Variants in DHX37 observed in about 807,000 individuals in gnomAD.
The protein encoded by DHX37 is DEAH-box helicase 37.
In DHX37, 52 loss-of-function variants were observed where a neutral mutation model predicts 134.3. The observed-to-expected ratio is 0.39, with a 90% CI of 0.31 to 0.49. DHX37 has a LOEUF of 0.49. Among genes scored for constraint, DHX37 ranks in the 20% least tolerant of loss-of-function variants. The pLI is 0.93. For missense variants in DHX37, 1,344 were observed against 1,580.8 expected (o/e 0.85, Z 2.54); for synonymous variants, 634 against 670.7 (o/e 0.95, Z 0.85).
At chr12:124,961,104 A>G (rs1376075810) in intron 15 of DHX37, among the ~76,000 whole-genome samples, 6 of 152,282 alleles carry the variant, frequency 3.9e-5, no homozygotes. Context: ...TAGCCCTGAC[A>G]AAAGGAACAG....
chr12:124,975,097 T>C (rs867723919), intron 6 of DHX37, among the ~76,000 whole-genome samples: 2 of 152,200 alleles, frequency 1.3e-5, no homozygotes, highest in South Asian at 2.1e-4. Context: ...CTTTAGAACC[T>C]TGAGTTTTAG....
Position 124,957,123 on chromosome 12 carries a change from G to A in DHX37, c.2170C>T (p.Pro724Ser). The change falls in exon 17 of 27, where the codon CCC becomes TCC. Residue 724 changes from proline (P) to serine (S), a missense_variant. Transcript: ENST00000308736. ...ALNVEKVINFPFPTPPSVEAL... is the reference protein window; with the variant it reads ...ALNVEKVINFSFPTPPSVEAL... ...TCCACGGAGGGGGGCGTCGGGAAGG[G>A]GAAGTTGATGACCTGGGACACAAGG... 6.7e-7 allele frequency: 1 copy of A among 1,497,704 alleles called. No homozygotes were observed. The allele number at this position is 1,497,704 out of a possible 1,614,324, so 92.8% of individuals were successfully genotyped here. A position where few individuals can be genotyped will look rare whatever the true frequency, so the allele number is the denominator to read the frequency against.
At chr12:124,948,051 C>A in intron 26 of DHX37, 33 bp downstream of exon 26, 2 of 1,614,234 alleles carry the variant, frequency 1.2e-6, no homozygotes, top group South Asian at 2.2e-5. Flanking sequence ...CCCATCCTGT[C>A]TACTCCCACC....
In DHX37 at chr12:124,977,379, G is replaced by A; in HGVS notation, c.850C>T (p.Gln284Ter). The A allele has an allele frequency of 6.3e-7, 1 of 1,598,248 alleles. No individual in the cohort carries two copies. Among genetic ancestry groups the A allele is most frequent in the Non-Finnish European group, 8.5e-7 (1 of 1,173,308 alleles). ...CGETGSGKTT[Q>*]VPQFLYEAGF... Reference sequence around the variant, plus strand: ...GCTTCATAGAGAAACTGAGGCACCTGTGTGGTCTTCCCGCTGCCGGTCTCA... The same window carrying A: ...GCTTCATAGAGAAACTGAGGCACCTATGTGGTCTTCCCGCTGCCGGTCTCA... The change falls in exon 5 of 27, where the codon CAG becomes TAG. Residue 284 changes from glutamine to a stop codon, truncating the protein, a stop_gained. Transcript: ENST00000308736. LOFTEE classifies it high-confidence loss of function.
At chr12:124,975,362 T>C in intron 6 of DHX37, 57 bp downstream of exon 6, 4 of 1,577,504 alleles carry the variant, frequency 2.5e-6, no homozygotes, top group South Asian at 2.2e-5. Flanking sequence ...GCTTCCCACA[T>C]CTGGGCAAGG....
At chr12:124,972,431 C>A in intron 7 of DHX37, 72 bp downstream of exon 7, 1 of 1,529,084 alleles carries the variant, frequency 6.5e-7, no homozygotes, top group Non-Finnish European at 9.0e-7. Context: ...CTGCTCATAT[C>A]CCAGGTGACA....
intron 5 of DHX37, among the ~76,000 whole-genome samples, chr12:124,975,871 A>G (rs2135960673): frequency 6.6e-6 from 1 of 152,154 alleles, no homozygotes; most frequent in East Asian, 1.9e-4. Flanking sequence ...TTAACACCAC[A>G]GACCTGCAGC....
At position 124,982,367 on chromosome 12, in the gene DHX37, G is replaced by C. The variant is rs1053460174; in HGVS notation, c.389+144C>G. On this transcript the variant is annotated intron_variant, in intron 3 of 26. Transcript: ENST00000308736. The stretch of plus-strand genomic sequence containing the variant: ...GGCCTTTACCCACTAGAGGCATTTA[G>C]GATGACAATGAATTTTCAGCCACTC... 8.4e-5 allele frequency: 95 copies of C among 1,125,390 alleles called. No homozygotes were observed. In the Middle Eastern group the frequency reaches 9.9e-4, roughly 12 times the overall value. The allele number at this position is 1,125,390 out of a possible 1,614,324, so 69.7% of individuals were successfully genotyped here.
chr12:124,962,190 A>C (rs528909058), intron 15 of DHX37, among the ~76,000 whole-genome samples: 3 of 152,276 alleles, frequency 2.0e-5, no homozygotes, highest in African/African-American at 7.2e-5. Flanking sequence ...CCTGAGCAAC[A>C]GAGTGAGACT....
intron 12 of DHX37, 62 bp from the exon 13 acceptor site, chr12:124,965,874 G>C: frequency 3.2e-6 from 5 of 1,565,852 alleles, no homozygotes; most frequent in Non-Finnish European, 4.3e-6. Context: ...GACGTGGCAC[G>C]TGCAGGAAGA....
chr12:124,947,582 T>C lies in DHX37; in HGVS notation c.*220A>G, dbSNP rs926224179. ...TGAGATGAAATCATCATCCACCATA[T>C]AATAAACAGTTCAAAAAGTCACCCC... On this transcript the variant is annotated 3_prime_UTR_variant, in exon 27 of 27. Transcript: ENST00000308736. 1.6e-5 allele frequency: 9 copies of C among 553,234 alleles called. No homozygotes were observed. The highest frequency in any genetic ancestry group is 9.4e-4 in the Middle Eastern group (2 of 2,136). The allele number at this position is 553,234 out of a possible 1,614,324, so 34.3% of individuals were successfully genotyped here. A position where few individuals can be genotyped will look rare whatever the true frequency, so the allele number is the denominator to read the frequency against.
chr12:124,950,790 G>A lies in DHX37; in HGVS notation c.2883C>T (p.Asp961=), dbSNP rs1439801044. 2.2e-5 allele frequency: 35 copies of A among 1,607,008 alleles called. No individual in the cohort carries two copies. Among genetic ancestry groups the A allele is most frequent in the Admixed American group, 5.2e-5 (3 of 57,156 alleles). ...AGCTGGGGTGGATGAAGACAGGGTC[G>A]TCGAGGAGAGGGGTCTGCAGAGAAT... ...WRNAYKTPLL[D]DPVFIHPSSV... The change falls in exon 22 of 27, where the codon GAC becomes GAT. Residue 961 remains aspartate, a synonymous_variant. Transcript: ENST00000308736.
chr12:124,956,813 T>C lies in DHX37; in HGVS notation c.2331A>G (p.Thr777=), dbSNP rs10773127. Residue 777 remains threonine, a synonymous_variant, in exon 18 of 27, where the codon ACA becomes ACG. Coordinates refer to ENST00000308736, the MANE Select transcript of DHX37 (RefSeq NM_032656.4). ...PITALGRTMA[T]FPVAPRYAKM... is the part of the protein sequence containing the mutation. ...TAGCGTAGCGGGGTGCCACGGGGAA[T>C]GTGGCCATTGTCCGGCCCAGCGCAG... 381,710 of 1,609,750 alleles carry C rather than the reference T, an allele frequency of 0.24. 57,670 individuals are homozygous for C. The highest frequency in any genetic ancestry group is 0.78 in the African/African-American group (58,087 of 74,746).
intron 20 of DHX37, 168 bp downstream of exon 20, chr12:124,953,712 T>A: frequency 8.2e-7 from 1 of 1,214,260 alleles, no homozygotes; most frequent in East Asian, 2.6e-5. Context: ...ATGTGCACAT[T>A]CCCTTGTTCC....
chr12:124,988,840 C>T (rs1594519135), intron 1 of DHX37, 77 bp downstream of exon 1: 3 of 935,050 alleles, frequency 3.2e-6, no homozygotes, highest in South Asian at 8.5e-5. Flanking sequence ...GGGATCCCCA[C>T]CCGAGAGTCC....
intron 20 of DHX37, chr12:124,952,788 C>T (rs1306245733): frequency 2.5e-6 from 1 of 395,534 alleles, no homozygotes; most frequent in Non-Finnish European, 4.4e-6. Flanking sequence ...CAAAGCCCCA[C>T]ATCCTGCCTG....
intron 18 of DHX37, among the ~76,000 whole-genome samples, chr12:124,955,121 G>A (rs1397191734): frequency 6.6e-6 from 1 of 152,250 alleles, no homozygotes; most frequent in Non-Finnish European, 1.5e-5. Context: ...GACCTTACAT[G>A]TAATGGTTAA....
Position 124,971,389 on chromosome 12 carries a change from C to G in DHX37, c.1104G>C (p.Val368=), listed in dbSNP as rs1340857054. ...TCTCGTGGGCCTCGTCGATGATCAC[C>G]ACCTTGTACCGCAGCAGCAGGAAGT... ...QKDFLLLRYK[V]VIIDEAHERS... is the part of the protein sequence containing the mutation. The change falls in exon 8 of 27, where the codon GTG becomes GTC. Residue 368 remains valine (V), a synonymous_variant. Coordinates refer to ENST00000308736, the MANE Select transcript of DHX37 (RefSeq NM_032656.4). 6.2e-7 allele frequency: 1 copy of G among 1,613,364 alleles called. No individual in the cohort carries two copies. The highest frequency in any genetic ancestry group is 1.1e-5 in the South Asian group (1 of 91,048).
At chr12:124,965,102 C>T (rs1244219067) in intron 13 of DHX37, 96 bp from the exon 14 acceptor site, 10 of 1,352,624 alleles carry the variant, frequency 7.4e-6, no homozygotes, top group Non-Finnish European at 9.1e-6. Context: ...GGCTGCTCCA[C>T]CAGAGCTCCT....
Sources: gnomAD v4.1 joint callset for allele counts (sites outside exome capture counted in the v4.1 genomes callset) on GRCh38, gnomAD v4.1.1 for gene constraint, MANE v1.5 for transcripts, NCBI Gene and HGNC (gene_info 2026-07-23, HGNC 2026-07-21) for gene names.